The following FRMD8 variants were observed in gnomAD, a reference collection of about 807,000 sequenced individuals.
The protein encoded by FRMD8 is FERM domain-containing protein 8.
Under a neutral mutation model 54.2 loss-of-function variants are expected in FRMD8, and 37 were observed. The ratio of observed to expected loss-of-function variants is 0.68; its 90% CI spans 0.53 to 0.90. The LOEUF (loss-of-function observed/expected upper bound fraction) is 0.90. Among genes scored for constraint, FRMD8 ranks in the 40% least tolerant of loss-of-function variants. FRMD8 has a pLI of 0.00. For missense variants in FRMD8, 585 were observed against 653.7 expected, an observed-to-expected ratio of 0.89 and a Z score of 1.15; for synonymous variants, 246 against 286.9, an observed-to-expected ratio of 0.86 and a Z score of 1.44.
intron 10 of FRMD8, among the ~76,000 whole-genome samples, chr11:65,409,910 C>T (rs1685183747): frequency 6.6e-6 from 1 of 151,892 alleles, no homozygotes; most frequent in African/African-American, 2.4e-5. Flanking sequence ...AAGACCCTGT[C>T]TCTACACAAA....
intron 9 of FRMD8, among the ~76,000 whole-genome samples, chr11:65,401,110 G>C (rs1275079099): frequency 6.6e-6 from 1 of 152,092 alleles, no homozygotes; most frequent in African/African-American, 2.4e-5. Flanking sequence ...GGTTCGGGCA[G>C]CTGTTTGTTG....
At chr11:65,399,994 G>A in intron 8 of FRMD8, 135 bp downstream of exon 8, 3 of 1,067,866 alleles carry the variant, frequency 2.8e-6, no homozygotes, top group Non-Finnish European at 4.0e-6. Flanking sequence ...GCCTCCGTTG[G>A]ATGTCCTCGT....
intron 9 of FRMD8, among the ~76,000 whole-genome samples, chr11:65,403,823 T>C (rs149185594): frequency 2.0e-4 from 31 of 152,342 alleles, no homozygotes; most frequent in African/African-American, 7.0e-4. Flanking sequence ...TTCCTGAGCC[T>C]CAGAGGCATG....
At chr11:65,398,994 GTTTTTTTTTT>G (rs33928334) in intron 7 of FRMD8, among the ~76,000 whole-genome samples, 1 of 99,918 alleles carries the variant, frequency 1.0e-5, no homozygotes, top group African/African-American at 3.8e-5. Flanking sequence ...TCTTCTCAAT[GTTTTTTTTTT>G]TTTTTTTTTT....
intron 10 of FRMD8, among the ~76,000 whole-genome samples, chr11:65,406,008 TA>T (rs1405246415): frequency 2.6e-5 from 4 of 151,350 alleles, no homozygotes; most frequent in African/African-American, 9.7e-5. Flanking sequence ...CCTATATATA[TA>T]TATTTTTTTT....
At chr11:65,408,086 T>C (rs1426190923) in intron 10 of FRMD8, among the ~76,000 whole-genome samples, 2 of 151,580 alleles carry the variant, frequency 1.3e-5, no homozygotes, top group Non-Finnish European at 2.9e-5. Context: ...CTTTTTTTTT[T>C]TTTTGGAGAC....
At chr11:65,379,716 G>T in the FRMD8 span, 2 of 1,259,370 alleles carry the variant, frequency 1.6e-6, no homozygotes. Context: ...TGCGCCTCTG[G>T]GGTGCTAAGC....
At chr11:65,379,305 A>C in the FRMD8 span, 2 of 1,557,238 alleles carry the variant, frequency 1.3e-6, no homozygotes, top group Non-Finnish European at 1.7e-6. Context: ...TCGCCAGGGC[A>C]GGGTGGGAGA....
At chr11:65,383,729 G>T (rs1168902701), upstream of FRMD8, 1 of 141,680 alleles carries the variant, frequency 7.1e-6, no homozygotes, top group Non-Finnish European at 1.5e-5. Flanking sequence ...CTATACTCCA[G>T]CCTGGGCAAC....
In FRMD8 at chr11:65,411,518, G is replaced by A. The variant is rs1395467955; in HGVS notation, c.*158G>A. ...CCACGGAGAAGTGACTTTTGGGCCC[G>A]GGGCCATGCCCGGGCTGTGCAAAGC... On this transcript the variant is annotated 3_prime_UTR_variant, in exon 11 of 11. Transcript: ENST00000317568. 10 of 536,866 alleles carry A rather than the reference G, an allele frequency of 1.9e-5. No individual in the cohort carries two copies. Among genetic ancestry groups the A allele is most frequent in the South Asian group, 5.0e-5 (2 of 40,152 alleles). The allele number at this position is 536,866 out of a possible 1,614,324, so 33.3% of individuals were successfully genotyped here. A position where few individuals can be genotyped will look rare whatever the true frequency, so the allele number is the denominator to read the frequency against.
chr11:65,389,374 G>T lies in FRMD8; in HGVS notation c.99G>T (p.Leu33=). The T allele has an allele frequency of 6.2e-7, 1 of 1,610,440 alleles. No individual in the cohort carries two copies. ...TCTCCATCACAGCGGCTGACGTGCT[G>T]GTATACCTAGCGGATGACACGGTGG... ...SSVGARAADV[L]VYLADDTVVP... is the part of the protein sequence containing the mutation. Residue 33 remains leucine (L), a synonymous_variant, in exon 3 of 11, where the codon CTG becomes CTT. Transcript: ENST00000317568.
chr11:65,379,461 G>T, the FRMD8 span: 1 of 1,614,048 alleles, frequency 6.2e-7, no homozygotes. Flanking sequence ...GGAGGTGGCC[G>T]TGAGCACCAG....
intron 7 of FRMD8, among the ~76,000 whole-genome samples, chr11:65,399,204 T>C (rs1216771981): frequency 6.6e-6 from 1 of 152,034 alleles, no homozygotes; most frequent in African/African-American, 2.4e-5. Flanking sequence ...TTTCACCCTG[T>C]TAGCCAGGAT....
At chr11:65,406,891 A>G (rs1294547713) in intron 10 of FRMD8, among the ~76,000 whole-genome samples, 7 of 151,912 alleles carry the variant, frequency 4.6e-5, no homozygotes, top group African/African-American at 1.4e-4. Flanking sequence ...AGTGAGCCAA[A>G]ATCACGCCAC....
At chr11:65,407,361 C>G (rs534794792) in intron 10 of FRMD8, among the ~76,000 whole-genome samples, 1 of 151,950 alleles carries the variant, frequency 6.6e-6, no homozygotes, top group African/African-American at 2.4e-5. Context: ...AAGCGATTCT[C>G]CTGCCTCAGC....
At chr11:65,377,376 C>T in the FRMD8 span, 1 of 1,246,582 alleles carries the variant, frequency 8.0e-7, no homozygotes, top group Non-Finnish European at 1.0e-6. Flanking sequence ...ATTCTTTTTG[C>T]AGGAGCAGGT....
At chr11:65,368,504 C>T in the FRMD8 span, among the ~76,000 whole-genome samples, 1 of 152,060 alleles carries the variant, frequency 6.6e-6, no homozygotes, top group Admixed American at 6.6e-5. Flanking sequence ...AGCCATTGCA[C>T]CCAGCCAACA....
At chr11:65,409,040 C>T (rs981477778) in intron 10 of FRMD8, among the ~76,000 whole-genome samples, 6 of 152,022 alleles carry the variant, frequency 3.9e-5, no homozygotes, top group Non-Finnish European at 5.9e-5. Context: ...GTAATCATTC[C>T]GAGCCAAAGG....
Position 65,404,771 on chromosome 11 carries a change from C to A in FRMD8, c.1072-93C>A. 1 of 1,103,928 alleles carries A rather than the reference C, an allele frequency of 9.1e-7. No homozygotes were observed. The highest frequency in any genetic ancestry group is 1.3e-6 in the Non-Finnish European group (1 of 753,500). 68.4% of individuals were successfully genotyped at this position (1,103,928 alleles called of 1,614,324 possible). Reference sequence around the variant, plus strand: ...TGAGTGATGTGTGTCCCCTCCCCTGCTTCCCCAACCAGAGAGCAGAGCTCA... The same window carrying A: ...TGAGTGATGTGTGTCCCCTCCCCTGATTCCCCAACCAGAGAGCAGAGCTCA... On this transcript the variant is annotated intron_variant, in intron 9 of 10. Transcript: ENST00000317568. This position sits in a 1 kb window ranked among gnomAD's most constrained non-coding sequence, Gnocchi z 4.7.
Sources: allele counts gnomAD v4.1 joint callset (sites outside exome capture counted in the v4.1 genomes callset), GRCh38; gene constraint gnomAD v4.1.1; non-coding constraint Gnocchi (gnomAD v3.1); transcripts MANE v1.5; gene names NCBI Gene and HGNC (gene_info 2026-07-23, HGNC 2026-07-21).